IGFBP3: variants seen among roughly 807,000 people sequenced by gnomAD.
The protein encoded by IGFBP3 is insulin-like growth factor-binding protein 3.
In IGFBP3, 9 loss-of-function variants were observed where a neutral mutation model predicts 28.6. That is an observed-to-expected ratio of 0.31 (90% CI 0.19 to 0.55). The LOEUF is 0.55. Among genes scored for constraint, IGFBP3 ranks in the 20% least tolerant of loss-of-function variants. The pLI, the probability that IGFBP3 is intolerant of heterozygous loss-of-function variation, is 0.93. For missense variants in IGFBP3, 382 were observed against 428.9 expected, an observed-to-expected ratio of 0.89 and a Z score of 0.97; for synonymous variants, 185 against 188.2, an observed-to-expected ratio of 0.98 and a Z score of 0.14.
At position 45,917,396 on chromosome 7, in the gene IGFBP3, C is replaced by T. The variant is rs2116578773; in HGVS notation, c.447G>A (p.Val149=). Residue 149 remains valine (V), a synonymous_variant, in exon 2 of 5, where the codon GTG becomes GTA. Coordinates refer to ENST00000613132, the MANE Select transcript of IGFBP3 (RefSeq NM_000598.5). ...GCGTGCTGGAGACGGACGGGCTCTCCACACTGCCGGCGCTGCGGTCTTCCT... is the reference window on the plus strand; with the variant it reads ...GCGTGCTGGAGACGGACGGGCTCTCTACACTGCCGGCGCTGCGGTCTTCCT... ...ESEEDRSAGS[V]ESPSVSSTHR... 6.2e-7 allele frequency: 1 copy of T among 1,613,934 alleles called. No individual in the cohort carries two copies. The highest frequency in any genetic ancestry group is 8.5e-7 in the Non-Finnish European group (1 of 1,179,946).
At chr7:45,919,288 T>C (rs1784654040) in intron 1 of IGFBP3, among the ~76,000 whole-genome samples, 1 of 152,236 alleles carries the variant, frequency 6.6e-6, no homozygotes, top group Non-Finnish European at 1.5e-5. Context: ...ATCATGATGA[T>C]TGCTAAAGCC....
rs1456810677 is a variant in IGFBP3, at chr7:45,912,922, G to A, written c.*928C>T. 6.6e-6 allele frequency: 1 copy of A among 152,224 alleles called. No individual in the cohort carries two copies. The highest frequency in any genetic ancestry group is 2.4e-5 in the African/African-American group (1 of 41,428). 9.4% of individuals were successfully genotyped at this position (152,224 alleles called of 1,614,324 possible). On this transcript the variant is annotated 3_prime_UTR_variant, in exon 5 of 5. Transcript: ENST00000613132. ...TTACATTGTGCTAAGGAGGACAAAA[G>A]ATGAGAGATGAAAATAAAGCTTTGC... is the stretch of plus-strand genomic sequence containing the variant.
At chr7:45,915,270 G>C (rs923403654) in intron 3 of IGFBP3, 1 of 260,332 alleles carries the variant, frequency 3.8e-6, no homozygotes, top group Non-Finnish European at 7.4e-6. Flanking sequence ...CATCCCCGCT[G>C]CCTGCGAATG....
rs758251875 is a variant in IGFBP3, at chr7:45,914,964, A to G, written c.751-19T>C. 1.9e-6 allele frequency: 3 copies of G among 1,613,302 alleles called. No homozygotes were observed. Among genetic ancestry groups the G allele is most frequent in the Non-Finnish European group, 2.5e-6 (3 of 1,179,674 alleles). On this transcript the variant is annotated intron_variant, in intron 3 of 4. Transcript: ENST00000613132. ...GGCGACACTGTGGGAGAGAAACAGA[A>G]GACAGAGAAGTGAATGCTCCTGGGT...
chr7:45,914,072 A>G (rs1458116986), intron 4 of IGFBP3: 1 of 152,216 alleles, frequency 6.6e-6, no homozygotes, highest in Non-Finnish European at 1.5e-5. Flanking sequence ...CTTGTAAGGA[A>G]AAAAGAAACC....
chr7:45,917,130 G>T, intron 2 of IGFBP3, 83 bp downstream of exon 2: 1 of 1,159,868 alleles, frequency 8.6e-7, no homozygotes, highest in Non-Finnish European at 1.3e-6. Context: ...GGTTTGTTGA[G>T]TAAGAATTGC....
At chr7:45,918,846 T>A (rs1784646897) in intron 1 of IGFBP3, among the ~76,000 whole-genome samples, 1 of 152,122 alleles carries the variant, frequency 6.6e-6, no homozygotes, top group South Asian at 2.1e-4. Context: ...GCTGTAAAGT[T>A]CCCCAAGGGG....
chr7:45,919,153 A>G (rs1410678834), intron 1 of IGFBP3, among the ~76,000 whole-genome samples: 1 of 152,224 alleles, frequency 6.6e-6, no homozygotes, highest in Non-Finnish European at 1.5e-5. Flanking sequence ...TAAGCAACAG[A>G]TAATTGTGAC....
chr7:45,914,936 A>G lies in IGFBP3; in HGVS notation c.760T>C (p.Ser254Pro). 1 of 1,614,026 alleles carries G rather than the reference A, an allele frequency of 6.2e-7. No individual in the cohort carries two copies. Among genetic ancestry groups the G allele is most frequent in the African/African-American group, 1.3e-5 (1 of 75,046 alleles). ...GFYKKKQCRP[S>P]KGRKRGFCWC... ...CAGAAGCCCCGCTTCCTGCCTTTGG[A>G]AGGGCGACACTGTGGGAGAGAAACA... The change falls in exon 4 of 5, where the codon TCC becomes CCC. Residue 254 changes from serine to proline, a missense_variant. Physicochemically the swap from Ser to Pro is moderately conservative, Grantham distance 74. Coordinates refer to ENST00000613132, the MANE Select transcript of IGFBP3 (RefSeq NM_000598.5).
At position 45,920,802 on chromosome 7, in the gene IGFBP3, G is replaced by A; in HGVS notation, c.339C>T (p.Leu113=). 2 of 1,413,432 alleles carry A rather than the reference G, an allele frequency of 1.4e-6. No homozygotes were observed. Among genetic ancestry groups the A allele is most frequent in the Non-Finnish European group, 1.8e-6 (2 of 1,092,872 alleles). The allele number at this position is 1,413,432 out of a possible 1,614,324, so 87.6% of individuals were successfully genotyped here. ...PLQALLDGRG[L]CVNASAVSRL... The stretch of plus-strand genomic sequence containing the variant: ...GGCTGACGGCACTAGCGTTGACGCA[G>A]AGCCCGCGGCCGTCCAGCAGCGCCT... The change falls in exon 1 of 5, where the codon CTC becomes CTT. Residue 113 remains leucine, a synonymous_variant. Transcript: ENST00000613132.
chr7:45,915,000 G>C (rs1195764963), intron 3 of IGFBP3, 55 bp from the exon 4 acceptor site: 1 of 1,603,910 alleles, frequency 6.2e-7, no homozygotes. Context: ...CTGGTGTCAG[G>C]TCGGTGGCCA....
chr7:45,916,021 G>T (rs963476734), intron 3 of IGFBP3, among the ~76,000 whole-genome samples: 1 of 152,202 alleles, frequency 6.6e-6, no homozygotes, highest in Non-Finnish European at 1.5e-5. Flanking sequence ...AGAGACACAC[G>T]AGTCACCAAC....
intron 1 of IGFBP3, among the ~76,000 whole-genome samples, chr7:45,918,852 A>G (rs1459085206): frequency 6.6e-6 from 1 of 152,176 alleles, no homozygotes; most frequent in Admixed American, 6.5e-5. Flanking sequence ...AAGTTCCCCA[A>G]GGGGTTTCAT....
intron 2 of IGFBP3, 169 bp downstream of exon 2, chr7:45,917,044 T>A: frequency 1.6e-6 from 1 of 619,836 alleles, no homozygotes; most frequent in South Asian, 1.9e-5. Context: ...AAAGGGTCAA[T>A]ATTCTTTATG....
rs1370853100 is a variant in IGFBP3, at chr7:45,921,257, C to A, written c.-117G>T. On this transcript the variant is annotated 5_prime_UTR_variant, in exon 1 of 5. Coordinates refer to ENST00000613132, the MANE Select transcript of IGFBP3 (RefSeq NM_000598.5). ...AAGCGGCTGATCCTCAGCGCCCAGC[C>A]GCAGTGCTCGCATCTGGGCGGCCCG... The A allele has an allele frequency of 8.1e-7, 1 of 1,230,194 alleles. No homozygotes were observed. Among genetic ancestry groups the A allele is most frequent in the Admixed American group, 2.1e-5 (1 of 47,890 alleles). 76.2% of individuals were successfully genotyped at this position (1,230,194 alleles called of 1,614,324 possible).
At chr7:45,918,926 G>A (rs528421402) in intron 1 of IGFBP3, among the ~76,000 whole-genome samples, 1 of 152,314 alleles carries the variant, frequency 6.6e-6, no homozygotes, top group East Asian at 1.9e-4. Flanking sequence ...CCCTACCTGC[G>A]AGGATTTGGT....
intron 1 of IGFBP3, among the ~76,000 whole-genome samples, chr7:45,918,654 G>A (rs1013930752): frequency 2.0e-5 from 3 of 152,186 alleles, no homozygotes; most frequent in Non-Finnish European, 2.9e-5. Flanking sequence ...AGGGAGCTCA[G>A]GTGGCCCATC....
At chr7:45,919,042 A>G (rs1212811977) in intron 1 of IGFBP3, among the ~76,000 whole-genome samples, 2 of 152,246 alleles carry the variant, frequency 1.3e-5, no homozygotes, top group Non-Finnish European at 2.9e-5. Context: ...AAACGTATTT[A>G]TACTTCTTTT....
At chr7:45,917,087 C>T (rs1784618046) in intron 2 of IGFBP3, 126 bp downstream of exon 2, 1 of 725,126 alleles carries the variant, frequency 1.4e-6, no homozygotes, top group Non-Finnish European at 2.4e-6. Flanking sequence ...CACAGAGGGG[C>T]TAGGGGTTGC....
Sources: allele counts gnomAD v4.1 joint callset (sites outside exome capture counted in the v4.1 genomes callset), GRCh38; gene constraint gnomAD v4.1.1; transcripts MANE v1.5; gene names NCBI Gene and HGNC (gene_info 2026-07-23, HGNC 2026-07-21).